The following KCNJ6 variants were observed in gnomAD, a reference collection of about 807,000 sequenced individuals.
The protein encoded by KCNJ6 is G protein-activated inward rectifier potassium channel 2.
Under a neutral mutation model 34.2 loss-of-function variants are expected in KCNJ6, and 9 were observed. The observed-to-expected ratio is 0.26, with a 90% CI of 0.16 to 0.46. The LOEUF (loss-of-function observed/expected upper bound fraction) is 0.46. KCNJ6 is among the 20% of genes least tolerant of loss of function. KCNJ6 has a pLI of 1.00. For synonymous variants in KCNJ6, 196 were observed against 207.1 expected (o/e 0.95, Z 0.46); for missense variants, 236 against 531.3 (o/e 0.44, Z 5.46).
chr21:37,822,106 T>C (rs941634892), intron 2 of KCNJ6, among the ~76,000 whole-genome samples: 3 of 152,206 alleles, frequency 2.0e-5, no homozygotes, highest in Non-Finnish European at 4.4e-5. Context: ...AACCTGAAGC[T>C]ACTATTCTCA....
At chr21:37,821,752 C>T (rs1418435973) in intron 2 of KCNJ6, among the ~76,000 whole-genome samples, 1 of 152,180 alleles carries the variant, frequency 6.6e-6, no homozygotes, top group African/African-American at 2.4e-5. Flanking sequence ...CTTTAGTCTA[C>T]TGGGTCTGGT....
intron 1 of KCNJ6, among the ~76,000 whole-genome samples, chr21:37,896,041 G>A (rs930925361): frequency 4.6e-5 from 7 of 152,172 alleles, no homozygotes; most frequent in African/African-American, 1.7e-4. Context: ...GAATGATGCT[G>A]GCATTTGCGG....
chr21:37,688,201 T>A lies in KCNJ6; in HGVS notation c.946+26010A>T, dbSNP rs534429428. ...CATATTTGAATTATATGTGATGGGATTCCCAGCTCATCTCATTCAAATTCA... is the reference window on the plus strand; with the variant it reads ...CATATTTGAATTATATGTGATGGGAATCCCAGCTCATCTCATTCAAATTCA... On this transcript the variant is annotated intron_variant, in intron 3 of 3. Coordinates refer to ENST00000609713, the MANE Select transcript of KCNJ6 (RefSeq NM_002240.5). Among the ~76,000 whole-genome samples, 147 of 152,310 alleles carry A rather than the reference T, an allele frequency of 9.7e-4. 1 individual carries two copies. The highest frequency in any genetic ancestry group is 1.7e-3 in the Non-Finnish European group (114 of 68,018).
chr21:37,687,406 G>C (rs1393070477), intron 3 of KCNJ6, among the ~76,000 whole-genome samples: 1 of 152,078 alleles, frequency 6.6e-6, no homozygotes, highest in East Asian at 1.9e-4. Context: ...ACGGCACTGG[G>C]TATAATTTAA....
chr21:37,807,782 T>A (rs766147991), intron 2 of KCNJ6, among the ~76,000 whole-genome samples: 16 of 152,228 alleles, frequency 1.1e-4, no homozygotes, highest in African/African-American at 3.6e-4. Flanking sequence ...CATAATCTTA[T>A]ACCCATTTCA....
intron 2 of KCNJ6, among the ~76,000 whole-genome samples, chr21:37,786,399 G>A (rs2123517565): frequency 1.3e-5 from 2 of 152,318 alleles, no homozygotes; most frequent in East Asian, 3.9e-4. Context: ...CAAGACAGAT[G>A]AGTAGGCCCC....
chr21:37,656,161 CT>C (rs1569439243), intron 3 of KCNJ6, among the ~76,000 whole-genome samples: 2 of 152,214 alleles, frequency 1.3e-5, no homozygotes, highest in Non-Finnish European at 2.9e-5. Flanking sequence ...GCTCCACAGG[CT>C]GGCATCAGCT....
chr21:37,741,348 T>C (rs1346887717), intron 2 of KCNJ6, among the ~76,000 whole-genome samples: 1 of 152,180 alleles, frequency 6.6e-6, no homozygotes. Context: ...TGGCTTCCTG[T>C]TGGGCTTGGC....
chr21:37,738,062 A>G (rs1490862956), intron 2 of KCNJ6, among the ~76,000 whole-genome samples: 1 of 152,098 alleles, frequency 6.6e-6, no homozygotes, highest in Non-Finnish European at 1.5e-5. Flanking sequence ...GTATTTGTTT[A>G]ATGCTCACAC....
Position 37,615,351 on chromosome 21 carries a change from C to T in KCNJ6, c.*9808G>A, listed in dbSNP as rs559974098. On this transcript the variant is annotated 3_prime_UTR_variant, in exon 4 of 4. Transcript: ENST00000609713. ...CTCGGCTCACTGCAAGCTCCGCTTC[C>T]CGGGTTCACGCCATTCTCCTGCCTC... 1.9e-3 allele frequency: 289 copies of T among 150,772 alleles called. 2 individuals are homozygous for T. The highest frequency in any genetic ancestry group is 4.6e-3 in the South Asian group (22 of 4,736). 9.3% of individuals were successfully genotyped at this position (150,772 alleles called of 1,614,324 possible). A position where few individuals can be genotyped will look rare whatever the true frequency, so the allele number is the denominator to read the frequency against.
chr21:37,760,293 A>T (rs2055054302), intron 2 of KCNJ6, among the ~76,000 whole-genome samples: 1 of 152,222 alleles, frequency 6.6e-6, no homozygotes, highest in South Asian at 2.1e-4. Flanking sequence ...AAATGCTATG[A>T]TTCCTCATTT....
chr21:37,660,160 C>T (rs553568145), intron 3 of KCNJ6, among the ~76,000 whole-genome samples: 68 of 152,314 alleles, frequency 4.5e-4, no homozygotes, highest in African/African-American at 1.6e-3. Flanking sequence ...GCTCACTGTC[C>T]AGGCAGCTTT....
intron 3 of KCNJ6, among the ~76,000 whole-genome samples, chr21:37,638,149 ATTTATT>A (rs2054366202): frequency 1.3e-5 from 2 of 151,984 alleles, no homozygotes; most frequent in African/African-American, 2.4e-5. Flanking sequence ...TTTGATCTTG[ATTTATT>A]TTTATTTTTA....
intron 1 of KCNJ6, among the ~76,000 whole-genome samples, chr21:37,842,161 C>T (rs528752670): frequency 1.2e-4 from 19 of 152,296 alleles, no homozygotes; most frequent in South Asian, 2.1e-4. Context: ...CTTTTGTTTA[C>T]GGACAACTGT....
At chr21:37,866,297 C>G (rs1690217711) in intron 1 of KCNJ6, among the ~76,000 whole-genome samples, 1 of 152,164 alleles carries the variant, frequency 6.6e-6, no homozygotes, top group Non-Finnish European at 1.5e-5. Context: ...TGTAATAAGC[C>G]TCTTACTGTA....
chr21:37,749,812 AAAG>A (rs1440178365), intron 2 of KCNJ6, among the ~76,000 whole-genome samples: 1 of 152,172 alleles, frequency 6.6e-6, no homozygotes, highest in Non-Finnish European at 1.5e-5. Context: ...GGCTGAATGG[AAAG>A]AAGGACAAGG....
chr21:37,607,482 A>ATATTTT lies in KCNJ6; in HGVS notation c.*17676_*17677insAAAATA. Reference sequence around the variant, plus strand: ...CTTAAAGATATATATATATATATATATTTTTTTTTTATTTTAAAAAAATTT... The same window carrying ATATTTT: ...CTTAAAGATATATATATATATATATATATTTTTTTTTTTTTTATTTTAAAAAAATTT... On this transcript the variant is annotated 3_prime_UTR_variant, in exon 4 of 4. Coordinates refer to ENST00000609713, the MANE Select transcript of KCNJ6 (RefSeq NM_002240.5). 8.5e-4 allele frequency: 116 copies of ATATTTT among 136,762 alleles called. No individual in the cohort carries two copies. Among genetic ancestry groups the ATATTTT allele is most frequent in the African/African-American group, 1.3e-3 (49 of 36,478 alleles). 8.5% of individuals were successfully genotyped at this position (136,762 alleles called of 1,614,324 possible).
intron 3 of KCNJ6, among the ~76,000 whole-genome samples, chr21:37,710,203 C>T (rs183954315): frequency 9.7e-4 from 148 of 152,228 alleles, no homozygotes; most frequent in African/African-American, 3.1e-3. Context: ...ATGTAAGAGA[C>T]GATTGGAAGT....
chr21:37,658,533 G>A (rs2054474532), intron 3 of KCNJ6, among the ~76,000 whole-genome samples: 1 of 152,246 alleles, frequency 6.6e-6, no homozygotes, highest in Non-Finnish European at 1.5e-5. Flanking sequence ...ATGGGTGGTG[G>A]TGATACAGAG....
Sources: gnomAD v4.1 joint callset for allele counts (sites outside exome capture counted in the v4.1 genomes callset) on GRCh38, gnomAD v4.1.1 for gene constraint, MANE v1.5 for transcripts, NCBI Gene and HGNC (gene_info 2026-07-23, HGNC 2026-07-21) for gene names.